ROBO2: variants seen among roughly 807,000 people sequenced by gnomAD.
ROBO2 encodes roundabout homolog 2.
A neutral mutation model predicts 160.8 loss-of-function variants in ROBO2; 53 were observed. The ratio of observed to expected loss-of-function variants is 0.33; its 90% CI spans 0.26 to 0.41. ROBO2 has a LOEUF of 0.41. Ranked by LOEUF, ROBO2 falls within the 10% of genes least tolerant of loss-of-function variation. The probability of loss-of-function intolerance (pLI) is 1.00; values close to 1 mark genes in which losing one functional copy is unlikely to be tolerated. For synonymous variants in ROBO2, 664 were observed against 611.7 expected (o/e 1.09, Z -1.26); for missense variants, 1,577 against 1,722.4 (o/e 0.92, Z 1.49).
At chr3:77,137,692 C>T (rs929208997) in intron 2 of ROBO2, among the ~76,000 whole-genome samples, 2 of 152,222 alleles carry the variant, frequency 1.3e-5, no homozygotes, top group African/African-American at 4.8e-5. Context: ...TCTAATTGTA[C>T]AGTCTGTTGA....
At chr3:75,931,910 G>T (rs540528205) in intron 1 of ROBO2, among the ~76,000 whole-genome samples, 2 of 152,122 alleles carry the variant, frequency 1.3e-5, no homozygotes, top group African/African-American at 2.4e-5. Flanking sequence ...CAGTAACTAA[G>T]ATAACATCTG....
At chr3:76,953,586 T>C (rs1029048846) in intron 2 of ROBO2, among the ~76,000 whole-genome samples, 2 of 152,328 alleles carry the variant, frequency 1.3e-5, no homozygotes, top group East Asian at 3.9e-4. Context: ...TAGAATTCCC[T>C]GATAGAATGT....
chr3:76,536,129 AG>A (rs2108140502), intron 2 of ROBO2, among the ~76,000 whole-genome samples: 1 of 152,246 alleles, frequency 6.6e-6, no homozygotes, highest in Non-Finnish European at 1.5e-5. Flanking sequence ...CTGGGAGAGG[AG>A]GTCCTGAAGG....
At chr3:77,448,746 T>G (rs2080831014) in intron 2 of ROBO2, among the ~76,000 whole-genome samples, 1 of 145,762 alleles carries the variant, frequency 6.9e-6, no homozygotes, top group Non-Finnish European at 1.6e-5. Context: ...AGGAACCACA[T>G]CCCTTATTGA....
intron 2 of ROBO2, among the ~76,000 whole-genome samples, chr3:76,831,034 A>G (rs986449996): frequency 3.9e-5 from 6 of 152,096 alleles, no homozygotes; most frequent in Admixed American, 3.3e-4. Flanking sequence ...ACCTTGACAC[A>G]TTACAATTAG....
chr3:76,328,775 C>T (rs1297660244), intron 2 of ROBO2, among the ~76,000 whole-genome samples: 1 of 151,918 alleles, frequency 6.6e-6, no homozygotes, highest in Non-Finnish European at 1.5e-5. Context: ...AGGAGACTGG[C>T]GTGAACCCGG....
chr3:76,961,969 C>T (rs2079696039), intron 2 of ROBO2, among the ~76,000 whole-genome samples: 1 of 152,146 alleles, frequency 6.6e-6, no homozygotes, highest in South Asian at 2.1e-4. Flanking sequence ...GAGGCCAAGG[C>T]AAGCAGACCA....
chr3:77,031,795 A>G (rs1410389727), intron 2 of ROBO2, among the ~76,000 whole-genome samples: 1 of 150,930 alleles, frequency 6.6e-6, no homozygotes, highest in South Asian at 2.1e-4. Flanking sequence ...ATTAGGCAGA[A>G]ATGTATAAAA....
At chr3:77,510,864 G>A (rs1190574142) in intron 5 of ROBO2, among the ~76,000 whole-genome samples, 1 of 151,918 alleles carries the variant, frequency 6.6e-6, no homozygotes. Flanking sequence ...AATGGTTGGA[G>A]GCGTGGTCTT....
intron 6 of ROBO2, among the ~76,000 whole-genome samples, chr3:77,542,803 T>C (rs1447681832): frequency 6.6e-6 from 1 of 152,204 alleles, no homozygotes. Flanking sequence ...CTCTTTGTCT[T>C]TGCTCTTTCT....
chr3:76,476,993 C>T (rs1002069258), intron 2 of ROBO2, among the ~76,000 whole-genome samples: 1 of 152,174 alleles, frequency 6.6e-6, no homozygotes, highest in African/African-American at 2.4e-5. Context: ...CAGGCAGTAC[C>T]AGGTTCATAT....
chr3:77,116,003 G>A (rs569289901), intron 2 of ROBO2, among the ~76,000 whole-genome samples: 5 of 152,208 alleles, frequency 3.3e-5, no homozygotes, highest in Admixed American at 6.5e-5. Context: ...TGTAGAATCA[G>A]GATTAAACAA....
intron 2 of ROBO2, among the ~76,000 whole-genome samples, chr3:77,268,786 C>A (rs1012931645): frequency 1.2e-4 from 18 of 152,238 alleles, no homozygotes; most frequent in African/African-American, 4.3e-4. Context: ...ACTCCTTTTC[C>A]CCTTTTCTGG....
chr3:76,951,828 C>T (rs577286447), intron 2 of ROBO2, among the ~76,000 whole-genome samples: 30 of 152,174 alleles, frequency 2.0e-4, no homozygotes, highest in Non-Finnish European at 4.1e-4. Flanking sequence ...TTCACAAAGC[C>T]AACTGCTATA....
In ROBO2 at chr3:76,635,739, A is replaced by G. The variant is rs139845001; in HGVS notation, c.110-462275A>G. ...AGTGCAGACACTTCCTCACGAGCTCAAAAACAGGGAGATTCATGATTCAAC... is the reference window on the plus strand; with the variant it reads ...AGTGCAGACACTTCCTCACGAGCTCGAAAACAGGGAGATTCATGATTCAAC... On this transcript the variant is annotated intron_variant, in intron 2 of 26. Transcript: ENST00000487694. Among the ~76,000 whole-genome samples the G allele has an allele frequency of 1.2e-3, 178 of 152,354 alleles. 1 individual carries two copies. The highest frequency in any genetic ancestry group is 4.2e-3 in the African/African-American group (173 of 41,568).
chr3:77,390,229 A>G (rs895053450), intron 2 of ROBO2, among the ~76,000 whole-genome samples: 7 of 152,100 alleles, frequency 4.6e-5, no homozygotes, highest in Admixed American at 2.0e-4. Flanking sequence ...TAACCTGTAA[A>G]TTGGTTACTC....
chr3:76,434,283 C>A, intron 2 of ROBO2: 1 of 1,009,998 alleles, frequency 9.9e-7, no homozygotes, highest in Non-Finnish European at 1.6e-6. Context: ...GTGTCAACAG[C>A]CAGCAGATAA....
chr3:77,305,326 A>G (rs2063011076), intron 2 of ROBO2, among the ~76,000 whole-genome samples: 1 of 152,234 alleles, frequency 6.6e-6, no homozygotes, highest in Non-Finnish European at 1.5e-5. Context: ...TTTTGGTAGC[A>G]TTCTTCACTC....
chr3:77,260,583 T>G (rs2058710819), intron 2 of ROBO2, among the ~76,000 whole-genome samples: 1 of 152,130 alleles, frequency 6.6e-6, no homozygotes, highest in South Asian at 2.1e-4. Context: ...AAGGAACTAA[T>G]GCAACACGAA....
Sources: allele counts gnomAD v4.1 joint callset (sites outside exome capture counted in the v4.1 genomes callset), GRCh38; gene constraint gnomAD v4.1.1; transcripts MANE v1.5; gene names NCBI Gene and HGNC (gene_info 2026-07-23, HGNC 2026-07-21).